The following PHAX variants were observed in gnomAD, a reference collection of about 807,000 sequenced individuals.
PHAX encodes the protein phosphorylated adapter RNA export protein.
In PHAX, 31 loss-of-function variants were observed where a neutral mutation model predicts 41.6. The ratio of observed to expected loss-of-function variants is 0.75; its 90% CI spans 0.56 to 1.01. The LOEUF is 1.01. Ranked by LOEUF, PHAX falls within the 50% of genes least tolerant of loss-of-function variation. The pLI is 0.00. For missense variants in PHAX, 453 were observed against 472.9 expected (o/e 0.96, Z 0.39); for synonymous variants, 175 against 164.9 (o/e 1.06, Z -0.47).
chr5:126,608,541 G>GTTTTTT (rs2112831340), intron 3 of PHAX, 57 bp downstream of exon 3: 3 of 1,455,532 alleles, frequency 2.1e-6, no homozygotes, highest in East Asian at 4.6e-5. Flanking sequence ...TTTTGTTTTT[G>GTTTTTT]ATTACAAATT....
At position 126,624,932 on chromosome 5, in the gene PHAX, A is replaced by G. The variant is rs1752326180; in HGVS notation, c.*88A>G. 1 of 1,166,698 alleles carries G rather than the reference A, an allele frequency of 8.6e-7. No homozygotes were observed. The highest frequency in any genetic ancestry group is 1.6e-5 in the South Asian group (1 of 62,922). 72.3% of individuals were successfully genotyped at this position (1,166,698 alleles called of 1,614,324 possible). On this transcript the variant is annotated 3_prime_UTR_variant, in exon 5 of 5. Coordinates refer to ENST00000297540, the MANE Select transcript of PHAX (RefSeq NM_032177.4). Reference sequence around the variant, plus strand: ...ACTGAGATTGCAACGTTTTGCACTGATAAACATGAGAATCTGGAGGAAAGA... The same window carrying G: ...ACTGAGATTGCAACGTTTTGCACTGGTAAACATGAGAATCTGGAGGAAAGA...
chr5:126,610,687 C>G (rs760380451), intron 3 of PHAX, among the ~76,000 whole-genome samples: 6 of 152,242 alleles, frequency 3.9e-5, no homozygotes, highest in Middle Eastern at 3.4e-3. Flanking sequence ...TGGGAAGATG[C>G]AAGTTCAAAT....
rs1561684207 is a variant in PHAX at position 126,624,847 on chromosome 5, A to T, written c.*3A>T. On this transcript the variant is annotated 3_prime_UTR_variant, in exon 5 of 5. Transcript: ENST00000297540. ...CTCATGATTTGGACATCTTTTAAGT[A>T]CATTTTCAACAGTTTGAGGACTAAG... The T allele has an allele frequency of 6.3e-7, 1 of 1,597,736 alleles. No individual in the cohort carries two copies.
At chr5:126,615,508 CTTT>C (rs35158448) in intron 3 of PHAX, among the ~76,000 whole-genome samples, 19 of 111,508 alleles carry the variant, frequency 1.7e-4, no homozygotes, top group Non-Finnish European at 2.5e-4. Context: ...ACATTCTGTG[CTTT>C]TTTTTTTTTT....
intron 3 of PHAX, among the ~76,000 whole-genome samples, chr5:126,609,629 A>T (rs886969608): frequency 7.9e-5 from 12 of 151,884 alleles, no homozygotes; most frequent in African/African-American, 2.7e-4. Context: ...TGAAATACTG[A>T]CCACAGTGCC....
At chr5:126,602,447 C>G (rs567210591) in intron 1 of PHAX, among the ~76,000 whole-genome samples, 1 of 152,216 alleles carries the variant, frequency 6.6e-6, no homozygotes, top group Admixed American at 6.5e-5. Flanking sequence ...AGGGTTATTG[C>G]AAGGATTCTG....
intron 2 of PHAX, 72 bp from the exon 3 acceptor site, chr5:126,608,292 C>T: frequency 6.7e-7 from 1 of 1,498,710 alleles, no homozygotes; most frequent in East Asian, 2.3e-5. Flanking sequence ...TTTATTCTAG[C>T]TGGTGACTAA....
Position 126,603,594 on chromosome 5 carries a change from A to T in PHAX, c.121A>T (p.Met41Leu), listed in dbSNP as rs780187346. The T allele has an allele frequency of 1.9e-6, 3 of 1,613,286 alleles. No individual in the cohort carries two copies. In the African/African-American group the frequency reaches 4.0e-5, roughly 22 times the overall value. ...GAAAGTGCTAGGTGGCGACAGTGCT[A>T]TGAGGGCCTTCCAGAACACGGCAAC... ...LPKVLGGDSA[M>L]RAFQNTATAC... Residue 41 changes from methionine (M) to leucine (L), a missense_variant, in exon 2 of 5, where the codon ATG becomes TTG. Met to Leu is a conservative substitution (Grantham distance 15). Transcript: ENST00000297540.
At chr5:126,619,043 C>G (rs1241536891) in intron 4 of PHAX, among the ~76,000 whole-genome samples, 1 of 152,166 alleles carries the variant, frequency 6.6e-6, no homozygotes, top group East Asian at 1.9e-4. Context: ...AGATGACCCT[C>G]AGCCTCCCAA....
intron 4 of PHAX, among the ~76,000 whole-genome samples, chr5:126,622,827 A>G (rs1752292661): frequency 6.6e-6 from 1 of 152,082 alleles, no homozygotes; most frequent in African/African-American, 2.4e-5. Flanking sequence ...GCAGTATAAT[A>G]GATTTTAAGA....
At chr5:126,607,577 A>G (rs1314906076) in intron 2 of PHAX, among the ~76,000 whole-genome samples, 1 of 151,358 alleles carries the variant, frequency 6.6e-6, no homozygotes, top group African/African-American at 2.4e-5. Flanking sequence ...CTAATTTTGT[A>G]TTTTTTGTAA....
In PHAX at chr5:126,625,577, A is replaced by G. The variant is rs1752335950; in HGVS notation, c.*733A>G. 2 of 149,292 alleles carry G rather than the reference A, an allele frequency of 1.3e-5. No individual in the cohort carries two copies. The allele number at this position is 149,292 out of a possible 1,614,324, so 9.2% of individuals were successfully genotyped here. On this transcript the variant is annotated 3_prime_UTR_variant, in exon 5 of 5. Transcript: ENST00000297540. ...GTACCACTGTACTCCAGCCTGGGCG[A>G]CAGAGCAAGACTCTGTCTCAAAAAA...
chr5:126,609,095 A>ATTTTTTTTTTTTTTTTTTTTTTTT lies in PHAX; in HGVS notation c.831+634_831+635insTTTTTTTTTTTTTTTTTTTTTTTT, dbSNP rs761125079. On this transcript the variant is annotated intron_variant, in intron 3 of 4. Transcript: ENST00000297540. ...ATGATTTGTTAAAGGTAGGGGTTGA[A>ATTTTTTTTTTTTTTTTTTTTTTTT]TTTTTTTTTTTTTTTTTTTTTTTGA... Among the ~76,000 whole-genome samples the ATTTTTTTTTTTTTTTTTTTTTTTT allele has an allele frequency of 1.2e-4, 12 of 101,236 alleles. 2 individuals carry two copies. The highest frequency in any genetic ancestry group is 5.2e-4 in the African/African-American group (11 of 21,000). 66.4% of individuals were successfully genotyped at this position (101,236 alleles called of 152,430 possible).
chr5:126,602,013 G>A (rs1751911420), intron 1 of PHAX, among the ~76,000 whole-genome samples: 1 of 152,160 alleles, frequency 6.6e-6, no homozygotes, highest in Admixed American at 6.5e-5. Flanking sequence ...ATTTCTCCAT[G>A]TTGGTCAGGC....
chr5:126,617,414 G>A (rs187890833), intron 4 of PHAX, 81 bp downstream of exon 4: 22 of 733,072 alleles, frequency 3.0e-5, no homozygotes, highest in South Asian at 1.8e-4. Flanking sequence ...CTATGGATAT[G>A]CATTACCTGT....
chr5:126,602,059 C>T (rs1482353867), intron 1 of PHAX, among the ~76,000 whole-genome samples: 1 of 152,232 alleles, frequency 6.6e-6, no homozygotes, highest in South Asian at 2.1e-4. Context: ...GATCCGCCCG[C>T]CTCGGCCTCC....
chr5:126,607,458 G>A (rs1305468762), intron 2 of PHAX, among the ~76,000 whole-genome samples: 2 of 145,296 alleles, frequency 1.4e-5, no homozygotes, highest in Non-Finnish European at 3.0e-5. Context: ...GAGTGCAGTG[G>A]TGCCATCTTG....
At chr5:126,614,749 C>G (rs1752158893) in intron 3 of PHAX, among the ~76,000 whole-genome samples, 3 of 151,938 alleles carry the variant, frequency 2.0e-5, no homozygotes, top group Admixed American at 1.3e-4. Flanking sequence ...CACCCAGACT[C>G]CTCTCCAACA....
At chr5:126,603,406 T>C (rs1349619949) in intron 1 of PHAX, among the ~76,000 whole-genome samples, 164 bp from the exon 2 acceptor site, 1 of 152,206 alleles carries the variant, frequency 6.6e-6, no homozygotes, top group African/African-American at 2.4e-5. Flanking sequence ...AATTGGCAAA[T>C]TCCATGTGGA....
Sources: gnomAD v4.1 joint callset for allele counts (sites outside exome capture counted in the v4.1 genomes callset) on GRCh38, gnomAD v4.1.1 for gene constraint, MANE v1.5 for transcripts, NCBI Gene and HGNC (gene_info 2026-07-23, HGNC 2026-07-21) for gene names.